Variants in CDK8 observed in about 807,000 individuals in gnomAD.
CDK8 encodes the protein cyclin-dependent kinase 8.
A neutral mutation model predicts 71.5 loss-of-function variants in CDK8; 29 were observed. That is an observed-to-expected ratio of 0.41 (90% CI 0.30 to 0.55). CDK8 has a LOEUF of 0.55. Ranked by LOEUF, CDK8 falls within the 20% of genes least tolerant of loss-of-function variation. The probability of loss-of-function intolerance (pLI) is 0.37; values close to 1 mark genes in which losing one functional copy is unlikely to be tolerated. For synonymous variants in CDK8, 161 were observed against 192.1 expected, an observed-to-expected ratio of 0.84 and a Z score of 1.34; for missense variants, 288 against 572.6, an observed-to-expected ratio of 0.50 and a Z score of 5.07.
chr13:26,331,218 A>G (rs1374057536), intron 1 of CDK8, among the ~76,000 whole-genome samples: 1 of 152,084 alleles, frequency 6.6e-6, no homozygotes, highest in Non-Finnish European at 1.5e-5. Flanking sequence ...TTTTTTTCAT[A>G]TACCTGTTGG....
rs2209847 is a variant in CDK8 at position 26,347,742 on chromosome 13, T to G, written c.205-1330T>G. Among the ~76,000 whole-genome samples the G allele has an allele frequency of 8.0e-3, 1,220 of 152,302 alleles. 8 individuals carry two copies. The highest frequency in any genetic ancestry group is 0.017 in the Admixed American group (261 of 15,294). On this transcript the variant is annotated intron_variant, in intron 2 of 12. Coordinates refer to ENST00000381527, the MANE Select transcript of CDK8 (RefSeq NM_001260.3). ...AACCAAAACCATAGTGAGATACTAC[T>G]TCATACTCATTAGGATATATGTTAA...
chr13:26,312,733 T>G (rs1226856567), intron 1 of CDK8, among the ~76,000 whole-genome samples: 1 of 152,174 alleles, frequency 6.6e-6, no homozygotes, highest in Admixed American at 6.5e-5. Context: ...CAGAGGGGTG[T>G]CTCCTTTCTA....
intron 1 of CDK8, among the ~76,000 whole-genome samples, chr13:26,316,712 GGAA>G (rs1383164968): frequency 6.6e-6 from 1 of 151,868 alleles, no homozygotes; most frequent in African/African-American, 2.4e-5. Context: ...CAAACACCAG[GGAA>G]GAAGAAGAAT....
intron 1 of CDK8, among the ~76,000 whole-genome samples, chr13:26,316,418 C>T (rs1183829827): frequency 6.6e-6 from 1 of 152,034 alleles, no homozygotes; most frequent in Non-Finnish European, 1.5e-5. Flanking sequence ...TATCATTTTT[C>T]CTCCTCCCAT....
At position 26,353,837 on chromosome 13, in the gene CDK8, G is replaced by A; in HGVS notation, c.413G>A (p.Gly138Asp). 1 of 1,613,032 alleles carries A rather than the reference G, an allele frequency of 6.2e-7. No individual in the cohort carries two copies. Among genetic ancestry groups the A allele is most frequent in the Non-Finnish European group, 8.5e-7 (1 of 1,179,180 alleles). The change falls in exon 4 of 13, where the codon GGT (glycine) becomes GAT (aspartate). Residue 138 changes from glycine to aspartate, a missense_variant. By Grantham distance (94) the Gly-to-Asp change is moderately conservative. Transcript: ENST00000381527. ...VKSLLYQILD[G>D]IHYLHANWVL... ...TCACTATTATATCAGATCCTAGATG[G>A]TATTCACTACCTGCATGCTAACTGG...
chr13:26,357,981 A>G (rs1242118031), intron 4 of CDK8, among the ~76,000 whole-genome samples: 1 of 152,220 alleles, frequency 6.6e-6, no homozygotes, highest in South Asian at 2.1e-4. Flanking sequence ...TCTGGGCACT[A>G]TGGTCCAGCC....
chr13:26,336,305 G>A (rs910031978), intron 1 of CDK8, among the ~76,000 whole-genome samples: 2 of 152,104 alleles, frequency 1.3e-5, no homozygotes, highest in South Asian at 4.1e-4. Context: ...GTGCCTAGTG[G>A]ATTTCTTTCA....
At position 26,294,512 on chromosome 13, in the gene CDK8, G is replaced by T. The variant is rs191608958; in HGVS notation, c.128+39743G>T. Among the ~76,000 whole-genome samples, 26 of 152,214 alleles carry T rather than the reference G, an allele frequency of 1.7e-4. No homozygotes were observed. The East Asian group carries it at 5.0e-3, about 29-fold the overall frequency. On this transcript the variant is annotated intron_variant, in intron 1 of 12. Transcript: ENST00000381527. ...AAACCTCCATACTGTTTTTTAAATG[G>T]CTGTGCTAATTTCTATTCTCAGCAG...
At chr13:26,267,014 AT>A (rs1421049151) in intron 1 of CDK8, among the ~76,000 whole-genome samples, 11 of 152,228 alleles carry the variant, frequency 7.2e-5, no homozygotes, top group African/African-American at 2.2e-4. Context: ...GACTTTGAAT[AT>A]ATGTATACAT....
chr13:26,376,055 A>G (rs1226793741), intron 4 of CDK8, among the ~76,000 whole-genome samples: 3 of 152,198 alleles, frequency 2.0e-5, no homozygotes, highest in African/African-American at 7.2e-5. Flanking sequence ...GTAATACACA[A>G]ACATCTAGAT....
At chr13:26,394,029 C>T (rs1875874634) in intron 7 of CDK8, among the ~76,000 whole-genome samples, 1 of 152,142 alleles carries the variant, frequency 6.6e-6, no homozygotes, top group Non-Finnish European at 1.5e-5. Flanking sequence ...TCATAGTACC[C>T]TATGGTGAGT....
At chr13:26,400,057 A>T (rs936268583) in intron 9 of CDK8, 1 of 199,274 alleles carries the variant, frequency 5.0e-6, no homozygotes, top group African/African-American at 2.4e-5. Context: ...TTCAGTTTTG[A>T]TTAACTTGGA....
intron 1 of CDK8, among the ~76,000 whole-genome samples, chr13:26,287,552 AT>A (rs1393912901): frequency 6.6e-6 from 1 of 152,146 alleles, no homozygotes; most frequent in Non-Finnish European, 1.5e-5. Context: ...GATATAATGG[AT>A]TTTTGGGGAC....
chr13:26,396,995 T>C (rs1490136778), intron 8 of CDK8, among the ~76,000 whole-genome samples, 158 bp from the exon 9 acceptor site: 1 of 152,096 alleles, frequency 6.6e-6, no homozygotes, highest in African/African-American at 2.4e-5. Flanking sequence ...TTGAATGAAA[T>C]AGAAAACTGA....
intron 1 of CDK8, among the ~76,000 whole-genome samples, chr13:26,298,319 A>G (rs548944077): frequency 4.6e-5 from 7 of 152,204 alleles, no homozygotes; most frequent in Admixed American, 2.0e-4. Flanking sequence ...GAAAAAATTG[A>G]TCTCATTGTT....
intron 1 of CDK8, among the ~76,000 whole-genome samples, chr13:26,255,323 T>G (rs985529324): frequency 6.6e-6 from 1 of 152,196 alleles, no homozygotes; most frequent in East Asian, 1.9e-4. Flanking sequence ...ATGTTGCAAT[T>G]GCTATTTAGA....
intron 3 of CDK8, 134 bp from the exon 4 acceptor site, chr13:26,353,606 A>G (rs1873772472): frequency 1.4e-6 from 1 of 704,490 alleles, no homozygotes; most frequent in African/African-American, 1.8e-5. Context: ...TATGTTATTC[A>G]GCAGAGTACG....
At chr13:26,390,366 C>G (rs1875690570) in intron 6 of CDK8, among the ~76,000 whole-genome samples, 1 of 152,126 alleles carries the variant, frequency 6.6e-6, no homozygotes, top group African/African-American at 2.4e-5. Flanking sequence ...TCACATATGC[C>G]CCATCTACTA....
At chr13:26,281,089 C>G (rs954521136) in intron 1 of CDK8, among the ~76,000 whole-genome samples, 1 of 152,216 alleles carries the variant, frequency 6.6e-6, no homozygotes, top group African/African-American at 2.4e-5. Flanking sequence ...TAGGAGAAAA[C>G]AATAGCTAAT....
Sources: gnomAD v4.1 joint callset for allele counts (sites outside exome capture counted in the v4.1 genomes callset) on GRCh38, gnomAD v4.1.1 for gene constraint, MANE v1.5 for transcripts, NCBI Gene and HGNC (gene_info 2026-07-23, HGNC 2026-07-21) for gene names.